PDE12: variants seen among roughly 807,000 people sequenced by gnomAD.
The protein encoded by PDE12 is phosphodiesterase 12, also known as 2',5'-phosphodiesterase 12.
A neutral mutation model predicts 45.4 loss-of-function variants in PDE12; 26 were observed. The observed-to-expected ratio is 0.57, with a 90% CI of 0.42 to 0.79. PDE12 has a LOEUF of 0.79. PDE12 is among the 30% of genes least tolerant of loss of function. The probability of loss-of-function intolerance (pLI) is 0.00; values close to 1 mark genes in which losing one functional copy is unlikely to be tolerated. For synonymous variants in PDE12, 283 were observed against 323.9 expected, an observed-to-expected ratio of 0.87 and a Z score of 1.36; for missense variants, 668 against 790.0, an observed-to-expected ratio of 0.85 and a Z score of 1.85.
the PDE12 span, chr3:57,641,893 C>T: frequency 3.5e-6 from 2 of 565,136 alleles, no homozygotes; most frequent in Non-Finnish European, 6.0e-6. Flanking sequence ...AACTACATGC[C>T]AGGCAACACG....
the PDE12 span, among the ~76,000 whole-genome samples, chr3:57,630,091 T>C: frequency 6.6e-6 from 1 of 152,220 alleles, no homozygotes; most frequent in East Asian, 1.9e-4. Context: ...ATTTGGCTCT[T>C]GTGAGCCAAT....
At chr3:57,615,378 A>C in the PDE12 span, among the ~76,000 whole-genome samples, 11 of 152,172 alleles carry the variant, frequency 7.2e-5, no homozygotes, top group Non-Finnish European at 1.5e-4. Context: ...ACTTAGGGGG[A>C]AGTTTATAGC....
chr3:57,600,803 C>T, the PDE12 span: 1 of 152,156 alleles, frequency 6.6e-6, no homozygotes, highest in Non-Finnish European at 1.5e-5. Flanking sequence ...ATGGGAGACT[C>T]ACTTGAGCCC....
chr3:57,591,528 A>T, the PDE12 span, among the ~76,000 whole-genome samples: 7 of 149,310 alleles, frequency 4.7e-5, no homozygotes, highest in Admixed American at 3.4e-4. Flanking sequence ...GTGCAATGGC[A>T]CGATCTCAGC....
chr3:57,596,918 G>A, the PDE12 span: 1 of 717,240 alleles, frequency 1.4e-6, no homozygotes, highest in African/African-American at 1.8e-5. Context: ...CTCACCCTCC[G>A]CTCCATTGTT....
the PDE12 span, chr3:57,645,626 G>GT: frequency 6.7e-7 from 1 of 1,498,066 alleles, no homozygotes; most frequent in Non-Finnish European, 9.2e-7. Flanking sequence ...GGTTATAAAG[G>GT]TAATACCTGG....
At chr3:57,644,939 A>C in the PDE12 span, among the ~76,000 whole-genome samples, 1 of 152,014 alleles carries the variant, frequency 6.6e-6, no homozygotes, top group African/African-American at 2.4e-5. Context: ...GTCAATCCGC[A>C]GTTGACTAGA....
the PDE12 span, among the ~76,000 whole-genome samples, chr3:57,614,992 CA>C: frequency 9.7e-4 from 127 of 131,298 alleles, no homozygotes; most frequent in South Asian, 1.2e-3. Context: ...GACTGTGTCT[CA>C]AAAAAAAAAA....
Position 57,556,414 on chromosome 3 carries a change from G to C in PDE12, c.35G>C (p.Arg12Pro). 6.2e-7 allele frequency: 1 copy of C among 1,607,268 alleles called. No homozygotes were observed. Among genetic ancestry groups the C allele is most frequent in the East Asian group, 2.2e-5 (1 of 44,532 alleles). ...CTCCCAGGCGCCCGCGCCGCGCTTC[G>C]GGTGATCCGGACGGCGGTGGAGAAG... is the stretch of plus-strand genomic sequence containing the variant. ...WRLPGARAAL[R>P]VIRTAVEKLS... The change falls in exon 1 of 3, where the codon CGG (arginine) becomes CCG (proline). Residue 12 changes from arginine to proline, a missense_variant. By Grantham distance (103) the Arg-to-Pro change is moderately radical. Coordinates refer to ENST00000311180, the MANE Select transcript of PDE12 (RefSeq NM_177966.7). This position sits in a 1 kb window ranked among gnomAD's most constrained non-coding sequence, Gnocchi z 5.0.
At chr3:57,576,766 A>C in the PDE12 span, among the ~76,000 whole-genome samples, 2 of 152,082 alleles carry the variant, frequency 1.3e-5, no homozygotes, top group African/African-American at 4.8e-5. Context: ...CATTAATCCA[A>C]TCTATGGGAA....
At chr3:57,558,497 T>C (rs111677113) in intron 1 of PDE12, among the ~76,000 whole-genome samples, 5 of 151,790 alleles carry the variant, frequency 3.3e-5, no homozygotes, top group African/African-American at 1.2e-4. Flanking sequence ...ACTATTATTA[T>C]TATTATTATT....
the PDE12 span, among the ~76,000 whole-genome samples, chr3:57,595,335 G>A: frequency 6.6e-6 from 1 of 152,038 alleles, no homozygotes; most frequent in Non-Finnish European, 1.5e-5. Flanking sequence ...TCTCTTTAAC[G>A]AACAGACTGG....
At chr3:57,641,433 A>T in the PDE12 span, among the ~76,000 whole-genome samples, 1 of 148,580 alleles carries the variant, frequency 6.7e-6, no homozygotes, top group South Asian at 2.1e-4. Flanking sequence ...TTCTATAATA[A>T]TATAACACTA....
chr3:57,641,314 T>C, the PDE12 span, among the ~76,000 whole-genome samples: 3 of 144,244 alleles, frequency 2.1e-5, no homozygotes, highest in Non-Finnish European at 4.5e-5. Flanking sequence ...TATATATTTA[T>C]ATTCAATATA....
At chr3:57,644,665 C>G in the PDE12 span, among the ~76,000 whole-genome samples, 1 of 117,238 alleles carries the variant, frequency 8.5e-6, no homozygotes, top group Non-Finnish European at 1.8e-5. Context: ...GAAGAGGTGG[C>G]AGACCAGCCT....
At chr3:57,594,086 T>A in the PDE12 span, among the ~76,000 whole-genome samples, 1 of 151,930 alleles carries the variant, frequency 6.6e-6, no homozygotes, top group African/African-American at 2.4e-5. Flanking sequence ...TGAAACCCCG[T>A]CTCTACTAAA....
At chr3:57,568,031 G>A (rs1417200147), downstream of PDE12, among the ~76,000 whole-genome samples, 8 of 125,194 alleles carry the variant, frequency 6.4e-5, no homozygotes, top group South Asian at 2.1e-3. Flanking sequence ...TCACACCACT[G>A]CACTCCAGCC....
At chr3:57,652,831 C>T in the PDE12 span, among the ~76,000 whole-genome samples, 1 of 151,350 alleles carries the variant, frequency 6.6e-6, no homozygotes, top group African/African-American at 2.5e-5. Flanking sequence ...AATAACTGTC[C>T]TGTAATCTGC....
chr3:57,648,530 T>C, the PDE12 span, among the ~76,000 whole-genome samples: 3 of 152,056 alleles, frequency 2.0e-5, no homozygotes, highest in Non-Finnish European at 4.4e-5. Context: ...AAAATTCATA[T>C]GGAACCAAAA....
Sources: gnomAD v4.1 joint callset for allele counts (sites outside exome capture counted in the v4.1 genomes callset) on GRCh38, gnomAD v4.1.1 for gene constraint, Gnocchi (gnomAD v3.1) non-coding constraint, MANE v1.5 for transcripts, NCBI Gene and HGNC (gene_info 2026-07-23, HGNC 2026-07-21) for gene names.